ZNF205: variants seen among roughly 807,000 people sequenced by gnomAD.
The protein encoded by ZNF205 is zinc finger protein 205.
A neutral mutation model predicts 53.6 loss-of-function variants in ZNF205; 32 were observed. The observed-to-expected ratio is 0.60, with a 90% CI of 0.45 to 0.80. The LOEUF (loss-of-function observed/expected upper bound fraction) is 0.80. ZNF205 is among the 30% of genes least tolerant of loss of function. The pLI is 0.00. For synonymous variants in ZNF205, 382 were observed against 334.3 expected, an observed-to-expected ratio of 1.14 and a Z score of -1.56; for missense variants, 836 against 782.4, an observed-to-expected ratio of 1.07 and a Z score of -0.82.
intron 5 of ZNF205, among the ~76,000 whole-genome samples, chr16:3,117,442 C>CTTTTTTTT (rs139893783): frequency 4.4e-4 from 32 of 73,178 alleles, no homozygotes; most frequent in Admixed American, 8.6e-4. Context: ...AGTCCCAGAG[C>CTTTTTTTT]TTTTTTTTTT....
At position 3,119,528 on chromosome 16, in the gene ZNF205, C is replaced by T. The variant is rs1446949703; in HGVS notation, c.868C>T (p.Pro290Ser). The T allele has an allele frequency of 4.4e-6, 7 of 1,604,274 alleles. No homozygotes were observed. Among genetic ancestry groups the T allele is most frequent in the Non-Finnish European group, 6.0e-6 (7 of 1,176,066 alleles). The change falls in exon 7 of 7, where the codon CCG becomes TCG. Residue 290 changes from proline to serine, a missense_variant. Pro to Ser is a moderately conservative substitution (Grantham distance 74). Coordinates refer to ENST00000219091, the MANE Select transcript of ZNF205 (RefSeq NM_001042428.2). The part of the protein sequence containing the change: ...EKPNEEEKGA[P>S]ESGEEGLAPD... ...GCCCAACGAGGAGGAGAAGGGCGCCCCGGAGAGTGGCGAGGAGGGCCTGGC... is the reference window on the plus strand; with the variant it reads ...GCCCAACGAGGAGGAGAAGGGCGCCTCGGAGAGTGGCGAGGAGGGCCTGGC...
At chr16:3,119,063 C>G (rs1489056101) in intron 6 of ZNF205, 48 bp downstream of exon 6, 1 of 1,592,066 alleles carries the variant, frequency 6.3e-7, no homozygotes, top group East Asian at 2.2e-5. Flanking sequence ...GGCGCAGACG[C>G]AGGCCTTCTG....
intron 3 of ZNF205, 124 bp from the exon 4 acceptor site, chr16:3,115,705 G>A (rs1423810648): frequency 4.1e-5 from 56 of 1,382,266 alleles, no homozygotes; most frequent in Non-Finnish European, 5.1e-5. Context: ...ACAGCCCCCT[G>A]GCAGCGTCAG....
chr16:3,119,702 A>G lies in ZNF205; in HGVS notation c.1042A>G (p.Ser348Gly). ...TGACTGCGGGAAGCGCTTCGGCCGC[A>G]GCTCGCACCTCATCCAGCACCAGAT... ...CTDCGKRFGR[S>G]SHLIQHQIIH... is the part of the protein sequence containing the mutation. Residue 348 changes from serine (S) to glycine (G), a missense_variant, in exon 7 of 7, where the codon AGC becomes GGC. Coordinates refer to ENST00000219091, the MANE Select transcript of ZNF205 (RefSeq NM_001042428.2). 1.2e-6 allele frequency: 2 copies of G among 1,612,564 alleles called. No homozygotes were observed. Among genetic ancestry groups the G allele is most frequent in the Non-Finnish European group, 1.7e-6 (2 of 1,179,548 alleles).
intron 2 of ZNF205, among the ~76,000 whole-genome samples, chr16:3,114,173 G>A (rs762411988): frequency 2.6e-5 from 4 of 152,148 alleles, no homozygotes; most frequent in Admixed American, 1.3e-4. Context: ...TCCACTTCCC[G>A]TGTGCCTTGA....
rs2151225900 is a variant in ZNF205, at chr16:3,113,566, A to G, written c.57+79A>G. ...GAGATTTTCAAGGCACAGAGTCTGGACCCCTGGAAGAGTTAGACTCACTGG... is the reference window on the plus strand; with the variant it reads ...GAGATTTTCAAGGCACAGAGTCTGGGCCCCTGGAAGAGTTAGACTCACTGG... On this transcript the variant is annotated intron_variant, in intron 2 of 6. Coordinates refer to ENST00000219091, the MANE Select transcript of ZNF205 (RefSeq NM_001042428.2). 1.5e-5 allele frequency: 23 copies of G among 1,530,118 alleles called. No individual in the cohort carries two copies. The South Asian group carries it at 2.4e-4, about 16-fold the overall frequency. 94.8% of individuals were successfully genotyped at this position (1,530,118 alleles called of 1,614,324 possible). A position where few individuals can be genotyped will look rare whatever the true frequency, so the allele number is the denominator to read the frequency against.
rs780682081 is a variant in ZNF205, at chr16:3,119,388, G to A, written c.728G>A (p.Arg243Gln). 4.3e-6 allele frequency: 7 copies of A among 1,611,176 alleles called. 1 individual carries two copies. Among genetic ancestry groups the A allele is most frequent in the South Asian group, 2.2e-5 (2 of 90,954 alleles). Reference sequence around the variant, plus strand: ...TGCGCGCAGGAAGCAGCCTGCGGCCGGAGCTCAGGGCCGGCCAAAGACTCC... The same window carrying A: ...TGCGCGCAGGAAGCAGCCTGCGGCCAGAGCTCAGGGCCGGCCAAAGACTCC... Reference protein sequence around the residue: ...PQCAQEAACGRSSGPAKDSGQ... With the variant: ...PQCAQEAACGQSSGPAKDSGQ... The change falls in exon 7 of 7, where the codon CGG (arginine) becomes CAG (glutamine). Residue 243 changes from arginine (R) to glutamine (Q), a missense_variant. Physicochemically the swap from Arg to Gln is conservative, Grantham distance 43 (BLOSUM62 1). Transcript: ENST00000219091.
In ZNF205 at chr16:3,120,086, T is replaced by A; in HGVS notation, c.1426T>A (p.Tyr476Asn). Residue 476 changes from tyrosine (Y) to asparagine (N), a missense_variant, in exon 7 of 7, where the codon TAC (tyrosine) becomes AAC (asparagine). Tyr to Asn is a moderately radical substitution (Grantham distance 143). Transcript: ENST00000219091. ...CCGCACACACACAGGCGAGAAGCCC[T>A]ACCACTGCCTCGACTGCGGCAAGAG... ...HNRTHTGEKP[Y>N]HCLDCGKSFS... is the part of the protein sequence containing the mutation. 1 of 1,613,576 alleles carries A rather than the reference T, an allele frequency of 6.2e-7. No individual in the cohort carries two copies. The highest frequency in any genetic ancestry group is 8.5e-7 in the Non-Finnish European group (1 of 1,179,838).
chr16:3,113,600 G>T (rs1957300365), intron 2 of ZNF205, 113 bp downstream of exon 2: 3 of 1,187,018 alleles, frequency 2.5e-6, no homozygotes, highest in African/African-American at 3.1e-5. Context: ...GGGGTGGGGA[G>T]ATCAAAGAGA....
intron 4 of ZNF205, 114 bp downstream of exon 4, chr16:3,116,034 G>A: frequency 8.6e-7 from 1 of 1,168,748 alleles, no homozygotes; most frequent in Non-Finnish European, 1.2e-6. Flanking sequence ...TGAAGCCTGG[G>A]GCTCTTGCTA....
chr16:3,119,858 C>G lies in ZNF205; in HGVS notation c.1198C>G (p.Arg400Gly). 1 of 1,612,646 alleles carries G rather than the reference C, an allele frequency of 6.2e-7. No homozygotes were observed. The highest frequency in any genetic ancestry group is 8.5e-7 in the Non-Finnish European group (1 of 1,179,768). The change falls in exon 7 of 7, where the codon CGC becomes GGC. Residue 400 changes from arginine (R) to glycine (G), a missense_variant. Physicochemically the swap from Arg to Gly is moderately radical, Grantham distance 125. Coordinates refer to ENST00000219091, the MANE Select transcript of ZNF205 (RefSeq NM_001042428.2). ...CTACGTGTGCGACCGCTGCGCCAAG[C>G]GCTTCACCCGCCGCTCGGACTTGGT... Reference protein sequence around the residue: ...KPYVCDRCAKRFTRRSDLVTH... With the variant: ...KPYVCDRCAKGFTRRSDLVTH...
At position 3,119,566 on chromosome 16, in the gene ZNF205, G is replaced by A. The variant is rs756795189; in HGVS notation, c.906G>A (p.Glu302=). Residue 302 remains glutamate (E), a synonymous_variant, in exon 7 of 7, where the codon GAG becomes GAA. Coordinates refer to ENST00000219091, the MANE Select transcript of ZNF205 (RefSeq NM_001042428.2). ...SGEEGLAPDS[E]VGRKSYRCEQ... ...AGGAGGGCCTGGCCCCTGACAGTGA[G>A]GTGGGCAGGAAGAGCTACCGGTGCG... 1.9e-6 allele frequency: 3 copies of A among 1,608,618 alleles called. No individual in the cohort carries two copies. In the Admixed American group the frequency reaches 5.0e-5, roughly 27 times the overall value.
At chr16:3,118,806 C>T (rs998982583) in intron 5 of ZNF205, 99 bp from the exon 6 acceptor site, 6 of 1,289,920 alleles carry the variant, frequency 4.7e-6, no homozygotes, top group East Asian at 2.4e-5. Context: ...GTTTCCAGAG[C>T]CTCACCCCCT....
intron 2 of ZNF205, among the ~76,000 whole-genome samples, chr16:3,113,879 G>A (rs537081021): frequency 5.3e-5 from 8 of 152,136 alleles, no homozygotes; most frequent in Non-Finnish European, 7.4e-5. Flanking sequence ...ACCCGTGTGT[G>A]TGTGCGTGCG....
chr16:3,113,805 G>A (rs1957303687), intron 2 of ZNF205, among the ~76,000 whole-genome samples: 1 of 152,102 alleles, frequency 6.6e-6, no homozygotes, highest in South Asian at 2.1e-4. Flanking sequence ...TTCTCCACCT[G>A]GAACCACAGC....
chr16:3,118,733 G>T (rs929161563), intron 5 of ZNF205, among the ~76,000 whole-genome samples, 172 bp from the exon 6 acceptor site: 1 of 152,158 alleles, frequency 6.6e-6, no homozygotes, highest in Non-Finnish European at 1.5e-5. Context: ...TCTGGCAGCC[G>T]CCAGGCAGGG....
At position 3,119,629 on chromosome 16, in the gene ZNF205, G is replaced by C; in HGVS notation, c.969G>C (p.Leu323=). The change falls in exon 7 of 7, where the codon CTG becomes CTC. Residue 323 remains leucine, a synonymous_variant. Coordinates refer to ENST00000219091, the MANE Select transcript of ZNF205 (RefSeq NM_001042428.2). ...AGGGCTTCAGCTGGCACTCGCACCTGGTGACGCACCGGCGCACGCACACGG... is the reference window on the plus strand; with the variant it reads ...AGGGCTTCAGCTGGCACTCGCACCTCGTGACGCACCGGCGCACGCACACGG... ...CGKGFSWHSH[L]VTHRRTHTGE... 1 of 1,611,594 alleles carries C rather than the reference G, an allele frequency of 6.2e-7. No individual in the cohort carries two copies. The highest frequency in any genetic ancestry group is 8.5e-7 in the Non-Finnish European group (1 of 1,179,280).
At position 3,115,862 on chromosome 16, in the gene ZNF205, G is replaced by A. The variant is rs142065853; in HGVS notation, c.305G>A (p.Arg102Gln). Residue 102 changes from arginine to glutamine, a missense_variant, in exon 4 of 7, where the codon CGA becomes CAA. Coordinates refer to ENST00000219091, the MANE Select transcript of ZNF205 (RefSeq NM_001042428.2). ...LPSPRIPVLS[R>Q]EGRTRDRQMA... ...TCCCCCCGGATCCCCGTGCTTTCCCGAGAGGGGAGGACCAGAGACCGGCAG... is the reference window on the plus strand; with the variant it reads ...TCCCCCCGGATCCCCGTGCTTTCCCAAGAGGGGAGGACCAGAGACCGGCAG... The A allele has an allele frequency of 9.9e-6, 16 of 1,613,888 alleles. No individual in the cohort carries two copies. Among genetic ancestry groups the A allele is most frequent in the South Asian group, 3.3e-5 (3 of 91,058 alleles).
chr16:3,117,288 G>A (rs911471211), intron 5 of ZNF205, among the ~76,000 whole-genome samples: 2 of 152,102 alleles, frequency 1.3e-5, no homozygotes. Flanking sequence ...TTCGGGGCCC[G>A]AGGGCTGCTT....
Sources: allele counts gnomAD v4.1 joint callset (sites outside exome capture counted in the v4.1 genomes callset), GRCh38; gene constraint gnomAD v4.1.1; transcripts MANE v1.5; gene names NCBI Gene and HGNC (gene_info 2026-07-23, HGNC 2026-07-21).